The following GLG1 variants were observed in gnomAD, a reference collection of about 807,000 sequenced individuals.
GLG1 encodes golgi glycoprotein 1.
In GLG1, 38 loss-of-function variants were observed where a neutral mutation model predicts 160.5. The ratio of observed to expected loss-of-function variants is 0.24; its 90% CI spans 0.18 to 0.31. The LOEUF (loss-of-function observed/expected upper bound fraction) is 0.31, where lower values mean the gene tolerates loss of function less well. Among genes scored for constraint, GLG1 ranks in the 10% least tolerant of loss-of-function variants. The pLI, the probability that GLG1 is intolerant of heterozygous loss-of-function variation, is 1.00. For synonymous variants in GLG1, 644 were observed against 543.4 expected (o/e 1.19, Z -2.57); for missense variants, 1,373 against 1,505.2 (o/e 0.91, Z 1.45).
At chr16:74,606,009 T>G (rs114913462) in intron 1 of GLG1, among the ~76,000 whole-genome samples, 1 of 152,294 alleles carries the variant, frequency 6.6e-6, no homozygotes, top group African/African-American at 2.4e-5. Context: ...AAAATCACAT[T>G]CAGACCTCAG....
chr16:74,452,591 C>T lies in GLG1; in HGVS notation c.*576G>A. On this transcript the variant is annotated 3_prime_UTR_variant, in exon 26 of 26. Coordinates refer to ENST00000422840, the MANE Select transcript of GLG1 (RefSeq NM_001145667.2). ...GGACCCCACACAGCCTGGGGAACGG[C>T]TGCCCACCCACGCCTCGGTGAAGAC... 1 of 1,000,576 alleles carries T rather than the reference C, an allele frequency of 1.0e-6. No homozygotes were observed. The highest frequency in any genetic ancestry group is 1.2e-6 in the Non-Finnish European group (1 of 838,408). The allele number at this position is 1,000,576 out of a possible 1,614,324, so 62.0% of individuals were successfully genotyped here. A position where few individuals can be genotyped will look rare whatever the true frequency, so the allele number is the denominator to read the frequency against.
rs113910811 is a variant in GLG1, at chr16:74,462,569, G to C, written c.2853C>G (p.His951Gln). 6.2e-7 allele frequency: 1 copy of C among 1,613,094 alleles called. No homozygotes were observed. The highest frequency in any genetic ancestry group is 2.2e-5 in the East Asian group (1 of 44,890). ...ACKADIPKFC[H>Q]GILTKAKDDS... ...CATCCTTGGCCTTAGTCAGGATACC[G>C]TGACAGAATTTAGGAATGTCAGCTT... The change falls in exon 21 of 26, where the codon CAC becomes CAG. Residue 951 changes from histidine to glutamine, a missense_variant. This residue lies in a region of GLG1 where 491 missense variants were observed against 632.1 expected (regional missense o/e 0.78). Coordinates refer to ENST00000422840, the MANE Select transcript of GLG1 (RefSeq NM_001145667.2).
chr16:74,599,868 A>G (rs1958398381), intron 1 of GLG1, among the ~76,000 whole-genome samples: 1 of 151,460 alleles, frequency 6.6e-6, no homozygotes, highest in Non-Finnish European at 1.5e-5. Flanking sequence ...TGTCTCAAAA[A>G]AAAAACAAAA....
chr16:74,480,179 C>G (rs770377428), intron 11 of GLG1, 62 bp downstream of exon 11: 7 of 1,348,404 alleles, frequency 5.2e-6, no homozygotes, highest in South Asian at 4.7e-5. Flanking sequence ...GAAGAATATA[C>G]AGCAAACAAT....
At chr16:74,546,657 G>A (rs2018054360) in intron 1 of GLG1, among the ~76,000 whole-genome samples, 1 of 151,204 alleles carries the variant, frequency 6.6e-6, no homozygotes, top group Non-Finnish European at 1.5e-5. Context: ...GGTCAACATA[G>A]TGAAACCCCG....
intron 1 of GLG1, among the ~76,000 whole-genome samples, chr16:74,573,581 CTTTT>C (rs34868210): frequency 4.9e-5 from 5 of 102,646 alleles, no homozygotes; most frequent in East Asian, 2.9e-4. Flanking sequence ...TTTATCTTGC[CTTTT>C]TTTTTTTTTT....
At chr16:74,468,908 C>T (rs1440428179) in intron 17 of GLG1, 38 bp downstream of exon 17, 1 of 1,252,618 alleles carries the variant, frequency 8.0e-7, no homozygotes, top group South Asian at 1.2e-5. Context: ...AGCCCTGGCC[C>T]ACTGTGGTTT....
chr16:74,562,323 T>A (rs2018534653), intron 1 of GLG1, among the ~76,000 whole-genome samples: 2 of 152,280 alleles, frequency 1.3e-5, no homozygotes, highest in African/African-American at 4.8e-5. Context: ...TGACTCATTA[T>A]GAAATAGTCA....
intron 2 of GLG1, among the ~76,000 whole-genome samples, chr16:74,523,655 T>C (rs1218630540): frequency 6.6e-6 from 1 of 152,096 alleles, no homozygotes; most frequent in African/African-American, 2.4e-5. Context: ...CACATTTTTG[T>C]TAGATTTATT....
At chr16:74,466,937 G>T (rs946975837) in intron 18 of GLG1, among the ~76,000 whole-genome samples, 4 of 152,124 alleles carry the variant, frequency 2.6e-5, no homozygotes, top group African/African-American at 9.7e-5. Flanking sequence ...GGAAGGAAAG[G>T]GAAAGCAGTA....
chr16:74,459,838 G>T, intron 22 of GLG1, 49 bp from the exon 23 acceptor site: 1 of 907,456 alleles, frequency 1.1e-6, no homozygotes, highest in Non-Finnish European at 1.7e-6. Flanking sequence ...GCACAGAAAT[G>T]AACTGACAGT....
At position 74,449,278 on chromosome 16, in the gene GLG1, G is replaced by A. The variant is rs2014194269; in HGVS notation, c.*3889C>T. The A allele has an allele frequency of 6.6e-6, 1 of 152,170 alleles. No homozygotes were observed. The highest frequency in any genetic ancestry group is 1.9e-4 in the East Asian group (1 of 5,190). 9.4% of individuals were successfully genotyped at this position (152,170 alleles called of 1,614,324 possible). A position where few individuals can be genotyped will look rare whatever the true frequency, so the allele number is the denominator to read the frequency against. The stretch of plus-strand genomic sequence containing the variant: ...GGGAAGGGAAGGCCTCTTTTCAGTG[G>A]CCTCTCCCCAGATGACTCACTATAG... On this transcript the variant is annotated 3_prime_UTR_variant, in exon 26 of 26. Coordinates refer to ENST00000422840, the MANE Select transcript of GLG1 (RefSeq NM_001145667.2).
intron 1 of GLG1, among the ~76,000 whole-genome samples, chr16:74,606,352 G>A (rs1403701456): frequency 6.6e-6 from 1 of 152,308 alleles, no homozygotes; most frequent in South Asian, 2.1e-4. Flanking sequence ...ACTCTGCATA[G>A]AGCATCACAC....
intron 19 of GLG1, 130 bp downstream of exon 19, chr16:74,465,546 G>A (rs1567459739): frequency 3.4e-6 from 3 of 869,886 alleles, no homozygotes; most frequent in East Asian, 4.9e-5. Flanking sequence ...GGCTCCCAGG[G>A]GGTGCTGCTG....
At chr16:74,583,856 G>A (rs1172943165) in intron 1 of GLG1, among the ~76,000 whole-genome samples, 1 of 152,026 alleles carries the variant, frequency 6.6e-6, no homozygotes, top group Non-Finnish European at 1.5e-5. Flanking sequence ...GGGAGCTGAG[G>A]GTATCATCAT....
intron 9 of GLG1, among the ~76,000 whole-genome samples, chr16:74,484,533 C>T (rs1271656224): frequency 2.0e-5 from 3 of 151,736 alleles, no homozygotes; most frequent in Non-Finnish European, 2.9e-5. Flanking sequence ...GAGGCCGAGG[C>T]GGGTGGGTCA....
intron 2 of GLG1, among the ~76,000 whole-genome samples, chr16:74,512,628 C>T (rs909220684): frequency 6.7e-6 from 1 of 149,546 alleles, no homozygotes; most frequent in African/African-American, 2.5e-5. Context: ...TAATGAGTAA[C>T]TACTATAATC....
intron 3 of GLG1, among the ~76,000 whole-genome samples, 199 bp from the exon 4 acceptor site, chr16:74,503,945 C>T (rs955225321): frequency 6.6e-5 from 10 of 152,162 alleles, no homozygotes; most frequent in African/African-American, 1.7e-4. Flanking sequence ...AGTGTCATCC[C>T]TACTCAGACT....
intron 25 of GLG1, among the ~76,000 whole-genome samples, chr16:74,455,844 T>C (rs2014516741): frequency 6.6e-6 from 1 of 152,216 alleles, no homozygotes; most frequent in Non-Finnish European, 1.5e-5. Flanking sequence ...TCATTATACT[T>C]ACCTCACAGG....
Sources: allele counts gnomAD v4.1 joint callset (sites outside exome capture counted in the v4.1 genomes callset), GRCh38; gene constraint gnomAD v4.1.1; regional missense constraint gnomAD v4.1.1; transcripts MANE v1.5; gene names NCBI Gene and HGNC (gene_info 2026-07-23, HGNC 2026-07-21).